CISD2: variants seen among roughly 807,000 people sequenced by gnomAD.
CISD2 encodes the protein CDGSH iron-sulfur domain-containing protein 2.
Under a neutral mutation model 12.9 loss-of-function variants are expected in CISD2, and 1 was observed. The ratio of observed to expected loss-of-function variants is 0.08; its 90% CI spans 0.03 to 0.37. CISD2 has a LOEUF of 0.37. Among genes scored for constraint, CISD2 ranks in the 10% least tolerant of loss-of-function variants. The pLI, the probability that CISD2 is intolerant of heterozygous loss-of-function variation, is 0.99. For synonymous variants in CISD2, 50 were observed against 60.6 expected (o/e 0.83, Z 0.81); for missense variants, 97 against 163.1 (o/e 0.59, Z 2.21).
At chr4:102,871,648 T>A (rs576032752) in intron 1 of CISD2, among the ~76,000 whole-genome samples, 4 of 152,210 alleles carry the variant, frequency 2.6e-5, no homozygotes, top group Admixed American at 2.6e-4. Flanking sequence ...CCATTCTGAA[T>A]AGATTGTAAC....
At chr4:102,886,298 C>A (rs375125295) in intron 2 of CISD2, among the ~76,000 whole-genome samples, 1 of 151,960 alleles carries the variant, frequency 6.6e-6, no homozygotes, top group African/African-American at 2.4e-5. Context: ...AACAGCCTGA[C>A]CAACATGGTG....
intron 1 of CISD2, among the ~76,000 whole-genome samples, chr4:102,873,728 CAAAAAAA>C (rs35907341): frequency 1.3e-5 from 1 of 78,412 alleles, no homozygotes; most frequent in South Asian, 4.5e-4. Flanking sequence ...GAAACCGTCT[CAAAAAAA>C]AAAAAAAAAA....
rs1445354973 is a variant in CISD2, at chr4:102,887,410, C to G, written c.388C>G (p.Leu130Val). 1 of 1,151,606 alleles carries G rather than the reference C, an allele frequency of 8.7e-7. No individual in the cohort carries two copies. The highest frequency in any genetic ancestry group is 1.3e-6 in the Non-Finnish European group (1 of 763,890). The allele number at this position is 1,151,606 out of a possible 1,614,324, so 71.3% of individuals were successfully genotyped here. The change falls in exon 3 of 3, where the codon CTG becomes GTG. Residue 130 changes from leucine (L) to valine (V), a missense_variant. This residue lies in a region of CISD2 where 8 missense variants were observed against 48.7 expected (regional missense o/e 0.16). Coordinates refer to ENST00000273986, the MANE Select transcript of CISD2 (RefSeq NM_001008388.5). The stretch of plus-strand genomic sequence containing the variant: ...AGGAGATAATGTGGGTCCACTAATA[C>G]TGAAGAAGAAAGAAGTATAATAATA... Reference protein sequence around the residue: ...LTGDNVGPLILKKKEV With the variant: ...LTGDNVGPLIVKKKEV
chr4:102,885,409 T>C lies in CISD2; in HGVS notation c.297T>C (p.Cys99=), dbSNP rs768049003. ...EDLCLTKAAY[C]RCWRSKTFPA... ...TGTGTCTTACTAAAGCAGCTTATTG[T>C]AGGTGTTGGCGTTCTAAAACGGTAA... Residue 99 remains cysteine, a synonymous_variant, in exon 2 of 3, where the codon TGT becomes TGC. Coordinates refer to ENST00000273986, the MANE Select transcript of CISD2 (RefSeq NM_001008388.5). The C allele has an allele frequency of 6.2e-7, 1 of 1,614,018 alleles. No individual in the cohort carries two copies. Among genetic ancestry groups the C allele is most frequent in the Admixed American group, 1.7e-5 (1 of 60,024 alleles).
chr4:102,878,866 A>C (rs1733650595), intron 1 of CISD2, among the ~76,000 whole-genome samples: 1 of 152,232 alleles, frequency 6.6e-6, no homozygotes, highest in African/African-American at 2.4e-5. Context: ...TTACTGTATT[A>C]GCTTTCACAC....
chr4:102,883,233 C>A (rs989528982), intron 1 of CISD2, among the ~76,000 whole-genome samples: 2 of 152,164 alleles, frequency 1.3e-5, no homozygotes, highest in Non-Finnish European at 2.9e-5. Context: ...CTAACCCTTA[C>A]ACATGAAGTC....
chr4:102,869,207 C>T lies in CISD2; in HGVS notation c.103+20C>T. 2 of 1,590,708 alleles carry T rather than the reference C, an allele frequency of 1.3e-6. No homozygotes were observed. The highest frequency in any genetic ancestry group is 8.6e-7 in the Non-Finnish European group (1 of 1,168,318). On this transcript the variant is annotated intron_variant, in intron 1 of 2. Coordinates refer to ENST00000273986, the MANE Select transcript of CISD2 (RefSeq NM_001008388.5). ...TCACAGGTAATCCTCCCCCATCAGC[C>T]AGTCCCCATCCTTGCACGTTCGCCA...
intron 1 of CISD2, among the ~76,000 whole-genome samples, chr4:102,882,052 C>T (rs768766064): frequency 2.0e-5 from 3 of 152,000 alleles, no homozygotes; most frequent in South Asian, 2.1e-4. Context: ...ATTAGCCAGA[C>T]GTTGTGGTGT....
Position 102,880,444 on chromosome 4 carries a change from A to C in CISD2, c.104-4772A>C, listed in dbSNP as rs551205627. On this transcript the variant is annotated intron_variant, in intron 1 of 2. Coordinates refer to ENST00000273986, the MANE Select transcript of CISD2 (RefSeq NM_001008388.5). ...ATACCAAAAAAGAGATACATTTACC[A>C]AATAAATACATAAATGTTATTTTTT... Among the ~76,000 whole-genome samples the C allele has an allele frequency of 2.0e-5, 3 of 152,348 alleles. No individual in the cohort carries two copies. The South Asian group carries it at 6.2e-4, about 32-fold the overall frequency.
chr4:102,869,230 C>A (rs1468637920), intron 1 of CISD2, 43 bp downstream of exon 1: 4 of 1,569,720 alleles, frequency 2.5e-6, no homozygotes, highest in Non-Finnish European at 3.5e-6. Flanking sequence ...TGCACGTTCG[C>A]CAAGCGGGGG....
chr4:102,869,630 G>A, intron 1 of CISD2: 1 of 646,726 alleles, frequency 1.5e-6, no homozygotes, highest in Admixed American at 2.5e-5. Flanking sequence ...GAGTGTGTGG[G>A]AGAGAAATAT....
At chr4:102,869,536 G>C (rs1204285163) in intron 1 of CISD2, 1 of 702,232 alleles carries the variant, frequency 1.4e-6, no homozygotes, top group Non-Finnish European at 2.6e-6. Context: ...TTATTTTAAA[G>C]CGGGCTAAGT....
Position 102,890,012 on chromosome 4 carries a change from T to G in CISD2, c.*2582T>G, listed in dbSNP as rs1050257791. 6.6e-6 allele frequency: 1 copy of G among 152,144 alleles called. No individual in the cohort carries two copies. Among genetic ancestry groups the G allele is most frequent in the African/African-American group, 2.4e-5 (1 of 41,410 alleles). 9.4% of individuals were successfully genotyped at this position (152,144 alleles called of 1,614,324 possible). On this transcript the variant is annotated 3_prime_UTR_variant, in exon 3 of 3. Transcript: ENST00000273986. ...TCACATGATTGTTTTGAGGACTGCT[T>G]CTGCTTACCTAGGAAACTACTCATG...
intron 1 of CISD2, among the ~76,000 whole-genome samples, chr4:102,879,284 T>C (rs1733660964): frequency 6.6e-6 from 1 of 152,026 alleles, no homozygotes; most frequent in Admixed American, 6.6e-5. Flanking sequence ...GTAATAATTA[T>C]ATAGTAAAAA....
chr4:102,875,594 A>T (rs1305454682), intron 1 of CISD2, among the ~76,000 whole-genome samples: 1 of 152,256 alleles, frequency 6.6e-6, no homozygotes, highest in Non-Finnish European at 1.5e-5. Flanking sequence ...AAGTAAGTAC[A>T]GACCTTGTAG....
Position 102,888,889 on chromosome 4 carries a change from C to CA in CISD2, c.*1462dup, listed in dbSNP as rs1404809041. On this transcript the variant is annotated 3_prime_UTR_variant, in exon 3 of 3. Coordinates refer to ENST00000273986, the MANE Select transcript of CISD2 (RefSeq NM_001008388.5). ...TGGAAACTGCTTAGTTGAGAAAAGA[C>CA]AAATACAAAAGCTTTTCTTTAGTCT... 1 of 152,224 alleles carries CA rather than the reference C, an allele frequency of 6.6e-6. No homozygotes were observed. The allele number at this position is 152,224 out of a possible 1,614,324, so 9.4% of individuals were successfully genotyped here.
intron 1 of CISD2, among the ~76,000 whole-genome samples, chr4:102,870,548 A>G (rs1733412797): frequency 3.3e-5 from 5 of 152,228 alleles, no homozygotes. Flanking sequence ...TAAGAGTTTT[A>G]GTAGAAAACA....
intron 1 of CISD2, among the ~76,000 whole-genome samples, chr4:102,873,585 T>G (rs1313906308): frequency 6.6e-6 from 1 of 152,090 alleles, no homozygotes; most frequent in African/African-American, 2.4e-5. Context: ...TAGATTTTGT[T>G]TCTCTGATGG....
chr4:102,874,836 T>C (rs1275422990), intron 1 of CISD2, among the ~76,000 whole-genome samples: 1 of 152,340 alleles, frequency 6.6e-6, no homozygotes, highest in African/African-American at 2.4e-5. Context: ...TCTCAAACTA[T>C]TTTCTTCCAG....
Sources: gnomAD v4.1 joint callset for allele counts (sites outside exome capture counted in the v4.1 genomes callset) on GRCh38, gnomAD v4.1.1 for gene constraint, gnomAD v4.1.1 regional missense constraint, MANE v1.5 for transcripts, NCBI Gene and HGNC (gene_info 2026-07-23, HGNC 2026-07-21) for gene names.